VTI1A: variants seen among roughly 807,000 people sequenced by gnomAD.
The protein encoded by VTI1A is vesicle transport through interaction with t-SNAREs homolog 1A.
Under a neutral mutation model 34.9 loss-of-function variants are expected in VTI1A, and 22 were observed. The ratio of observed to expected loss-of-function variants is 0.63; its 90% CI spans 0.45 to 0.90. The LOEUF is 0.90. VTI1A is among the 40% of genes least tolerant of loss of function. VTI1A has a pLI of 0.00. For synonymous variants in VTI1A, 87 were observed against 97.3 expected (o/e 0.89, Z 0.62); for missense variants, 268 against 275.6 (o/e 0.97, Z 0.20).
chr10:112,515,259 A>T (rs895248895), intron 3 of VTI1A, among the ~76,000 whole-genome samples: 1 of 152,092 alleles, frequency 6.6e-6, no homozygotes, highest in African/African-American at 2.4e-5. Context: ...CAGAATGAAG[A>T]TATGGCTTAT....
chr10:112,515,561 C>G (rs1265185107), intron 3 of VTI1A, among the ~76,000 whole-genome samples: 1 of 151,844 alleles, frequency 6.6e-6, no homozygotes, highest in Admixed American at 6.6e-5. Flanking sequence ...TCAATTTAGG[C>G]CTAAGGAGAA....
chr10:112,496,125 G>A (rs1849006125), intron 3 of VTI1A, among the ~76,000 whole-genome samples: 1 of 137,090 alleles, frequency 7.3e-6, no homozygotes, highest in South Asian at 2.4e-4. Flanking sequence ...TGGGAGGCCA[G>A]GCCTAAGTGG....
At position 112,544,160 on chromosome 10, in the gene VTI1A, G is replaced by A. The variant is rs1256301276; in HGVS notation, c.427+5830G>A. Among the ~76,000 whole-genome samples, 6 of 152,242 alleles carry A rather than the reference G, an allele frequency of 3.9e-5. No homozygotes were observed. In the South Asian group the frequency reaches 6.2e-4, roughly 16 times the overall value. On this transcript the variant is annotated intron_variant, in intron 5 of 7. Transcript: ENST00000393077. Reference sequence around the variant, plus strand: ...TTGCTTAGGATTGTCTTGGCAATGCGGGCTCTTTTTTGGTTCCATATGAAC... The same window carrying A: ...TTGCTTAGGATTGTCTTGGCAATGCAGGCTCTTTTTTGGTTCCATATGAAC...
At chr10:112,650,537 A>G (rs1846970390) in intron 5 of VTI1A, among the ~76,000 whole-genome samples, 2 of 152,218 alleles carry the variant, frequency 1.3e-5, no homozygotes, top group South Asian at 2.1e-4. Context: ...TCAAAAACCA[A>G]TAACATAGTT....
intron 7 of VTI1A, among the ~76,000 whole-genome samples, chr10:112,755,705 A>G (rs1287431677): frequency 2.0e-5 from 3 of 152,234 alleles, no homozygotes; most frequent in African/African-American, 7.2e-5. Context: ...TAATGAATAT[A>G]TTAGATAGGC....
intron 7 of VTI1A, among the ~76,000 whole-genome samples, chr10:112,736,111 G>GTGTGTATATATATATATA (rs778802494): frequency 3.4e-5 from 4 of 116,224 alleles, no homozygotes; most frequent in African/African-American, 1.5e-4. Flanking sequence ...ATGTGTGTGT[G>GTGTGTATATATATATATA]TATATATATA....
intron 5 of VTI1A, among the ~76,000 whole-genome samples, chr10:112,578,933 C>G (rs988790523): frequency 2.0e-5 from 3 of 152,218 alleles, no homozygotes; most frequent in Non-Finnish European, 4.4e-5. Flanking sequence ...CATGAGCCAA[C>G]TTGCTTGCTA....
At chr10:112,450,387 A>G (rs1271866870) in intron 1 of VTI1A, 1 of 152,248 alleles carries the variant, frequency 6.6e-6, no homozygotes, top group Non-Finnish European at 1.5e-5. Context: ...GATGACAAGT[A>G]ATTATAATCT....
chr10:112,697,167 C>G (rs1404971065), intron 7 of VTI1A, among the ~76,000 whole-genome samples: 2 of 151,226 alleles, frequency 1.3e-5, no homozygotes, highest in East Asian at 3.9e-4. Context: ...GAAACACAAA[C>G]TTGCAGATCT....
intron 7 of VTI1A, among the ~76,000 whole-genome samples, chr10:112,812,991 G>T (rs1240681015): frequency 6.6e-6 from 1 of 152,202 alleles, no homozygotes; most frequent in Non-Finnish European, 1.5e-5. Flanking sequence ...AGTTACCAGA[G>T]ACTGCATTCT....
At chr10:112,544,227 T>C (rs532236810) in intron 5 of VTI1A, among the ~76,000 whole-genome samples, 39 of 152,296 alleles carry the variant, frequency 2.6e-4, no homozygotes, top group African/African-American at 9.1e-4. Context: ...AAGTCATTGG[T>C]AGCTTGATGG....
intron 5 of VTI1A, among the ~76,000 whole-genome samples, chr10:112,652,519 G>C (rs1485699872): frequency 6.6e-6 from 1 of 152,068 alleles, no homozygotes; most frequent in Non-Finnish European, 1.5e-5. Flanking sequence ...CCAGGAGTTT[G>C]AGACCAGCCT....
chr10:112,701,046 T>G (rs1590087601), intron 7 of VTI1A, among the ~76,000 whole-genome samples: 1 of 152,344 alleles, frequency 6.6e-6, no homozygotes, highest in African/African-American at 2.4e-5. Context: ...ATAAGTTGTA[T>G]CTCATTGACT....
At chr10:112,495,869 A>T (rs941145945) in intron 3 of VTI1A, among the ~76,000 whole-genome samples, 1 of 152,190 alleles carries the variant, frequency 6.6e-6, no homozygotes, top group African/African-American at 2.4e-5. Context: ...AAAGCTTCTA[A>T]TCAGGAAGAT....
chr10:112,646,364 G>T (rs181232354), intron 5 of VTI1A, among the ~76,000 whole-genome samples: 1 of 152,208 alleles, frequency 6.6e-6, no homozygotes, highest in Admixed American at 6.5e-5. Flanking sequence ...TTAGACACAG[G>T]TTGTCAGTAA....
chr10:112,752,129 G>A (rs1268688474), intron 7 of VTI1A, among the ~76,000 whole-genome samples: 2 of 152,184 alleles, frequency 1.3e-5, no homozygotes, highest in Non-Finnish European at 2.9e-5. Context: ...CCATACACAG[G>A]TAATGTAAAA....
chr10:112,548,863 C>T (rs1181708294), intron 5 of VTI1A: 50 of 1,418,268 alleles, frequency 3.5e-5, no homozygotes, highest in Non-Finnish European at 3.9e-5. Flanking sequence ...TTTACCGGAA[C>T]GGTGATCAAT....
At position 112,512,685 on chromosome 10, in the gene VTI1A, GT is replaced by G. The variant is rs545602240; in HGVS notation, c.265-14399del. 6.7e-3 allele frequency among the ~76,000 whole-genome samples: 1,023 copies of G among 152,204 alleles called. 10 individuals are homozygous for G. Among genetic ancestry groups the G allele is most frequent in the Non-Finnish European group, 8.7e-3 (589 of 67,948 alleles). On this transcript the variant is annotated intron_variant, in intron 3 of 7. Coordinates refer to ENST00000393077, the MANE Select transcript of VTI1A (RefSeq NM_145206.4). ...GTATTTTCATAGTTTGGAGTCTTGT[GT>G]TTAGGTCCTTAATCCACTTTGAATT...
intron 7 of VTI1A, among the ~76,000 whole-genome samples, chr10:112,741,778 A>G (rs963164158): frequency 6.6e-6 from 1 of 152,178 alleles, no homozygotes; most frequent in African/African-American, 2.4e-5. Flanking sequence ...ATGCTTTTCA[A>G]TTTAATAGCT....
Sources: gnomAD v4.1 joint callset for allele counts (sites outside exome capture counted in the v4.1 genomes callset) on GRCh38, gnomAD v4.1.1 for gene constraint, MANE v1.5 for transcripts, NCBI Gene and HGNC (gene_info 2026-07-23, HGNC 2026-07-21) for gene names.